The following FREM3 variants were observed in gnomAD, a reference collection of about 807,000 sequenced individuals.
The protein encoded by FREM3 is FRAS1-related extracellular matrix protein 3.
In FREM3, 105 loss-of-function variants were observed where a neutral mutation model predicts 129.1. That is an observed-to-expected ratio of 0.81 (90% CI 0.69 to 0.96). FREM3 has a LOEUF of 0.96. Ranked by LOEUF, FREM3 falls within the 40% of genes least tolerant of loss-of-function variation. The pLI, the probability that FREM3 is intolerant of heterozygous loss-of-function variation, is 0.00. For synonymous variants in FREM3, 1,014 were observed against 1,044.9 expected (o/e 0.97, Z 0.57); for missense variants, 2,593 against 2,666.3 (o/e 0.97, Z 0.61).
chr4:143,595,115 C>T (rs185442923), intron 6 of FREM3, among the ~76,000 whole-genome samples: 37 of 152,284 alleles, frequency 2.4e-4, no homozygotes, highest in South Asian at 6.2e-4. Context: ...TATTCGGAGA[C>T]GCTTAATGCC....
In FREM3 at chr4:143,633,006, G is replaced by A. The variant is rs547393446; in HGVS notation, c.5276-5246C>T. 5.9e-5 allele frequency among the ~76,000 whole-genome samples: 9 copies of A among 152,268 alleles called. No individual in the cohort carries two copies. In the South Asian group the frequency reaches 1.9e-3, roughly 32 times the overall value. On this transcript the variant is annotated intron_variant, in intron 2 of 7. Transcript: ENST00000329798. ...GGCATAAGCTTGTCACTTAGGCTTT[G>A]CCAATGTAGCTTGAGACTTTGATTT...
Position 143,699,170 on chromosome 4 carries a change from T to G in FREM3, c.1506A>C (p.Arg502=). The change falls in exon 1 of 8, where the codon CGA becomes CGC. Residue 502 remains arginine (R), a synonymous_variant. Transcript: ENST00000329798. The surrounding 1 kb of genome is among the most constrained non-coding windows in gnomAD (Gnocchi z 4.2). The stretch of plus-strand genomic sequence containing the variant: ...TGCTGCCATCATGCTGATACACCAC[T>G]CGCCCTGCTGCCAGGTCCGCTGGTG... ...YFTPADLAAG[R]VVYQHDGSNT... 1 of 1,537,322 alleles carries G rather than the reference T, an allele frequency of 6.5e-7. No homozygotes were observed. Among genetic ancestry groups the G allele is most frequent in the Non-Finnish European group, 8.7e-7 (1 of 1,146,924 alleles).
At chr4:143,671,854 A>T (rs1300732098) in intron 2 of FREM3, among the ~76,000 whole-genome samples, 1 of 152,244 alleles carries the variant, frequency 6.6e-6, no homozygotes, top group African/African-American at 2.4e-5. Context: ...GCAAGTCTAC[A>T]TCACACGAAA....
Position 143,694,298 on chromosome 4 carries a change from T to A in FREM3, c.5186-1096A>T, listed in dbSNP as rs910165694. Among the ~76,000 whole-genome samples, 55 of 152,340 alleles carry A rather than the reference T, an allele frequency of 3.6e-4. 1 individual carries two copies. The highest frequency in any genetic ancestry group is 2.3e-3 in the Admixed American group (35 of 15,306). On this transcript the variant is annotated intron_variant, in intron 1 of 7. Transcript: ENST00000329798. ...AGCCAGGTCTATTTGGTTTTGAATC[T>A]TCTGCACAAGTATAGAGCTTGACAT...
intron 2 of FREM3, among the ~76,000 whole-genome samples, chr4:143,669,656 GAA>G (rs1241645977): frequency 1.6e-5 from 2 of 127,116 alleles, no homozygotes; most frequent in Admixed American, 8.0e-5. Context: ...TTTCAGTTCG[GAA>G]AAAAAAAAAA....
intron 6 of FREM3, among the ~76,000 whole-genome samples, chr4:143,588,766 G>A (rs1205412906): frequency 1.3e-5 from 2 of 150,862 alleles, no homozygotes; most frequent in Non-Finnish European, 2.9e-5. Context: ...CCCAGTAATG[G>A]GATGGCTGGG....
chr4:143,606,663 G>A (rs771237827), intron 6 of FREM3, among the ~76,000 whole-genome samples: 3 of 152,046 alleles, frequency 2.0e-5, no homozygotes, highest in Non-Finnish European at 4.4e-5. Context: ...CAGAAATCTG[G>A]GCTTTAACTG....
At chr4:143,630,505 T>C (rs1739117631) in intron 2 of FREM3, among the ~76,000 whole-genome samples, 1 of 152,154 alleles carries the variant, frequency 6.6e-6, no homozygotes, top group African/African-American at 2.4e-5. Flanking sequence ...GACAACACTA[T>C]TGTTACTATT....
chr4:143,689,754 C>T (rs1195341539), intron 2 of FREM3, among the ~76,000 whole-genome samples: 1 of 151,718 alleles, frequency 6.6e-6, no homozygotes, highest in Non-Finnish European at 1.5e-5. Flanking sequence ...AGATCGGAGA[C>T]TATTATTCTA....
chr4:143,652,005 C>T (rs948162255), intron 2 of FREM3, among the ~76,000 whole-genome samples: 2 of 152,094 alleles, frequency 1.3e-5, no homozygotes, highest in African/African-American at 2.4e-5. Context: ...CTGCACAAGT[C>T]CCTAGCTGTG....
chr4:143,604,628 A>G (rs1738634511), intron 6 of FREM3, among the ~76,000 whole-genome samples: 2 of 152,188 alleles, frequency 1.3e-5, no homozygotes, highest in African/African-American at 2.4e-5. Context: ...CAAGAGCACA[A>G]TCAAAACACT....
At chr4:143,675,077 C>G (rs1483575730) in intron 2 of FREM3, among the ~76,000 whole-genome samples, 1 of 152,184 alleles carries the variant, frequency 6.6e-6, no homozygotes, top group Non-Finnish European at 1.5e-5. Context: ...CCCAAATCAA[C>G]AGAATATACT....
chr4:143,577,782 T>C lies in FREM3; in HGVS notation c.6249A>G (p.Gln2083=). The part of the protein sequence containing the change: ...FAPGVRMQTF[Q]VTILDDLGQP... ...GTCCCAGGTCATCAAGGATGGTCAC[T>C]TGGAATGTCTGCATGCGCACGCCTG... Residue 2083 remains glutamine (Q), a synonymous_variant, in exon 8 of 8, where the codon CAA becomes CAG. Transcript: ENST00000329798. 6.5e-7 allele frequency: 1 copy of C among 1,537,350 alleles called. No individual in the cohort carries two copies. Among genetic ancestry groups the C allele is most frequent in the Non-Finnish European group, 8.7e-7 (1 of 1,146,936 alleles).
At chr4:143,688,276 A>G (rs902300308) in intron 2 of FREM3, among the ~76,000 whole-genome samples, 1 of 152,110 alleles carries the variant, frequency 6.6e-6, no homozygotes, top group Admixed American at 6.6e-5. Flanking sequence ...GCTGCAAAAA[A>G]TAAATAAATA....
chr4:143,660,935 G>T (rs6537164), intron 2 of FREM3, among the ~76,000 whole-genome samples: 82,730 of 151,912 alleles, frequency 0.54, 23,494 homozygotes, highest in East Asian at 0.71. Context: ...CATTGATTTT[G>T]TATCCTGAGA....
chr4:143,662,820 C>G (rs1195347806), intron 2 of FREM3, among the ~76,000 whole-genome samples: 1 of 151,884 alleles, frequency 6.6e-6, no homozygotes, highest in East Asian at 1.9e-4. Context: ...TTGAATTGAT[C>G]CCTTTACCAT....
chr4:143,652,660 T>C (rs1207615779), intron 2 of FREM3, among the ~76,000 whole-genome samples: 2 of 152,164 alleles, frequency 1.3e-5, no homozygotes, highest in Non-Finnish European at 2.9e-5. Flanking sequence ...TCAGACAGAG[T>C]CTGGCTCTGT....
At chr4:143,689,760 T>C (rs1260362806) in intron 2 of FREM3, among the ~76,000 whole-genome samples, 1 of 152,000 alleles carries the variant, frequency 6.6e-6, no homozygotes, top group Admixed American at 6.6e-5. Flanking sequence ...GAGACTATTA[T>C]TCTAAATGAA....
chr4:143,629,202 C>T (rs1560850590), intron 2 of FREM3, among the ~76,000 whole-genome samples: 1 of 152,140 alleles, frequency 6.6e-6, no homozygotes, highest in Non-Finnish European at 1.5e-5. Context: ...CCAGACTGTG[C>T]TCTGCCTACC....
Sources: allele counts gnomAD v4.1 joint callset (sites outside exome capture counted in the v4.1 genomes callset), GRCh38; gene constraint gnomAD v4.1.1; non-coding constraint Gnocchi (gnomAD v3.1); transcripts MANE v1.5; gene names NCBI Gene and HGNC (gene_info 2026-07-23, HGNC 2026-07-21).